The following PPP1R9A variants were observed in gnomAD, a reference collection of about 807,000 sequenced individuals.
PPP1R9A encodes neurabin-1.
In PPP1R9A, 59 loss-of-function variants were observed where a neutral mutation model predicts 141.9. The observed-to-expected ratio is 0.42, with a 90% CI of 0.34 to 0.52. The LOEUF is 0.52. PPP1R9A is among the 20% of genes least tolerant of loss of function. PPP1R9A has a pLI of 0.10. For synonymous variants in PPP1R9A, 500 were observed against 569.7 expected (o/e 0.88, Z 1.74); for missense variants, 1,444 against 1,611.9 (o/e 0.90, Z 1.78).
At chr7:95,003,746 G>A (rs374293407) in intron 2 of PPP1R9A, among the ~76,000 whole-genome samples, 1 of 152,096 alleles carries the variant, frequency 6.6e-6, no homozygotes, top group South Asian at 2.1e-4. Flanking sequence ...TTTATTGTTG[G>A]TCTGGGTTAG....
intron 2 of PPP1R9A, among the ~76,000 whole-genome samples, chr7:95,082,981 T>G (rs984066976): frequency 5.9e-5 from 9 of 151,540 alleles, no homozygotes; most frequent in African/African-American, 2.2e-4. Flanking sequence ...GGTCTCAATC[T>G]CCTGACCTCA....
chr7:95,080,115 G>A (rs1815562641), intron 2 of PPP1R9A, among the ~76,000 whole-genome samples: 1 of 152,124 alleles, frequency 6.6e-6, no homozygotes, highest in Non-Finnish European at 1.5e-5. Flanking sequence ...AGGAAATAAA[G>A]GGCATTCAAT....
At chr7:94,939,819 C>T (rs1795143162) in intron 2 of PPP1R9A, among the ~76,000 whole-genome samples, 1 of 39,402 alleles carries the variant, frequency 2.5e-5, no homozygotes, top group Non-Finnish European at 6.2e-5. Flanking sequence ...TATATGTGTA[C>T]ACACACACAC....
intron 6 of PPP1R9A, among the ~76,000 whole-genome samples, chr7:95,201,127 A>G (rs976614635): frequency 6.6e-6 from 1 of 152,178 alleles, no homozygotes; most frequent in Non-Finnish European, 1.5e-5. Flanking sequence ...TCTTTGGATA[A>G]TTATTTTCTC....
At chr7:95,245,466 G>C (rs73431099) in intron 8 of PPP1R9A, among the ~76,000 whole-genome samples, 10,841 of 152,136 alleles carry the variant, frequency 0.071, 920 homozygotes, top group African/African-American at 0.2. Context: ...TAGTCTTCCC[G>C]TGTCTAAAAT....
chr7:95,254,588 A>G (rs140580287), intron 12 of PPP1R9A, among the ~76,000 whole-genome samples: 15 of 152,286 alleles, frequency 9.8e-5, no homozygotes, highest in Non-Finnish European at 1.5e-4. Context: ...CTTTTCAGGC[A>G]CTGGAGTGGT....
intron 12 of PPP1R9A, among the ~76,000 whole-genome samples, chr7:95,263,608 G>A (rs1341452385): frequency 6.6e-6 from 1 of 152,040 alleles, no homozygotes; most frequent in Non-Finnish European, 1.5e-5. Flanking sequence ...ATTTTTAGTA[G>A]AGACAGGGTT....
intron 2 of PPP1R9A, among the ~76,000 whole-genome samples, chr7:95,103,786 G>A (rs1264035896): frequency 3.3e-5 from 5 of 152,068 alleles, no homozygotes; most frequent in East Asian, 1.9e-4. Context: ...TGAACTTCTC[G>A]TGTAAAAATA....
intron 7 of PPP1R9A, among the ~76,000 whole-genome samples, chr7:95,211,190 C>G (rs1003241042): frequency 1.2e-4 from 18 of 151,774 alleles, no homozygotes; most frequent in Non-Finnish European, 1.6e-4. Flanking sequence ...AATTGAATGT[C>G]TGACCCATGG....
At position 95,290,808 on chromosome 7, in the gene PPP1R9A, C is replaced by G. The variant is rs1323287854; in HGVS notation, c.*505C>G. ...CTCCAATGTGTGGGAAAGATTTGCTCTTAATTCTCAGTCTGGACAGTGAGA... is the reference window on the plus strand; with the variant it reads ...CTCCAATGTGTGGGAAAGATTTGCTGTTAATTCTCAGTCTGGACAGTGAGA... On this transcript the variant is annotated 3_prime_UTR_variant, in exon 20 of 20. Transcript: ENST00000433360. 6.3e-6 allele frequency: 1 copy of G among 158,720 alleles called. No individual in the cohort carries two copies. The highest frequency in any genetic ancestry group is 6.0e-5 in the Admixed American group (1 of 16,704). 9.8% of individuals were successfully genotyped at this position (158,720 alleles called of 1,614,324 possible).
intron 8 of PPP1R9A, among the ~76,000 whole-genome samples, chr7:95,238,401 T>G (rs766869107): frequency 5.3e-5 from 8 of 152,132 alleles, no homozygotes; most frequent in Non-Finnish European, 8.8e-5. Flanking sequence ...AGGCTATCCC[T>G]GATGTACCTC....
chr7:94,969,798 T>C (rs1189966487), intron 2 of PPP1R9A, among the ~76,000 whole-genome samples: 3 of 152,164 alleles, frequency 2.0e-5, no homozygotes, highest in Non-Finnish European at 4.4e-5. Flanking sequence ...GTTTTATCTA[T>C]AAGCCTCTGA....
chr7:95,034,631 G>A (rs1333917762), intron 2 of PPP1R9A, among the ~76,000 whole-genome samples: 1 of 152,106 alleles, frequency 6.6e-6, no homozygotes, highest in Admixed American at 6.5e-5. Flanking sequence ...GGGATTACAG[G>A]CATGAGCCAC....
intron 4 of PPP1R9A, among the ~76,000 whole-genome samples, chr7:95,129,142 C>T (rs1824110659): frequency 1.3e-5 from 2 of 152,030 alleles, no homozygotes; most frequent in Non-Finnish European, 2.9e-5. Flanking sequence ...TCAATTTTGT[C>T]AAAGATTAGA....
chr7:95,228,361 A>G (rs1795436972), intron 8 of PPP1R9A, among the ~76,000 whole-genome samples: 1 of 152,220 alleles, frequency 6.6e-6, no homozygotes, highest in Non-Finnish European at 1.5e-5. Context: ...TGTCAAACAT[A>G]TACTGGAATT....
chr7:94,908,311 T>C (rs1303624509), intron 1 of PPP1R9A: 2 of 152,030 alleles, frequency 1.3e-5, no homozygotes, highest in Non-Finnish European at 2.9e-5. Flanking sequence ...TCCTGGCACA[T>C]TGGGAGGAAA....
At chr7:95,101,497 A>G (rs1198750264) in intron 2 of PPP1R9A, among the ~76,000 whole-genome samples, 2 of 152,222 alleles carry the variant, frequency 1.3e-5, no homozygotes, top group South Asian at 2.1e-4. Context: ...TTCCAGAAAT[A>G]TAAGAAGAAA....
At chr7:95,120,895 C>T in intron 4 of PPP1R9A, 63 bp downstream of exon 4, 1 of 1,512,896 alleles carries the variant, frequency 6.6e-7, no homozygotes, top group Non-Finnish European at 8.9e-7. Context: ...AAGTTTCCTT[C>T]AGTTGTAGCT....
At chr7:95,124,969 A>G (rs1178879947) in intron 4 of PPP1R9A, among the ~76,000 whole-genome samples, 1 of 152,110 alleles carries the variant, frequency 6.6e-6, no homozygotes, top group Admixed American at 6.5e-5. Flanking sequence ...GAGTTTATCC[A>G]GTATAGTTAA....
Sources: allele counts gnomAD v4.1 joint callset (sites outside exome capture counted in the v4.1 genomes callset), GRCh38; gene constraint gnomAD v4.1.1; transcripts MANE v1.5; gene names NCBI Gene and HGNC (gene_info 2026-07-23, HGNC 2026-07-21).